BBS9: variants seen among roughly 807,000 people sequenced by gnomAD.
The protein encoded by BBS9 is Bardet-Biedl syndrome 9.
A neutral mutation model predicts 117.7 loss-of-function variants in BBS9; 89 were observed. That is an observed-to-expected ratio of 0.76 (90% CI 0.64 to 0.90). The LOEUF is 0.90. Among genes scored for constraint, BBS9 ranks in the 40% least tolerant of loss-of-function variants. The probability of loss-of-function intolerance (pLI) is 0.00; values close to 1 mark genes in which losing one functional copy is unlikely to be tolerated. For missense variants in BBS9, 982 were observed against 1,042.2 expected (o/e 0.94, Z 0.80); for synonymous variants, 379 against 370.9 (o/e 1.02, Z -0.25).
At chr7:33,556,536 T>C (rs1855320597) in intron 21 of BBS9, among the ~76,000 whole-genome samples, 1 of 152,228 alleles carries the variant, frequency 6.6e-6, no homozygotes, top group Admixed American at 6.5e-5. Context: ...GCTGTTTAAA[T>C]GTAATATATT....
chr7:33,467,268 C>G (rs4236336), intron 19 of BBS9, among the ~76,000 whole-genome samples: 114,274 of 151,902 alleles, frequency 0.75, 43,424 homozygotes, highest in African/African-American at 0.86. Context: ...CAAAACATCT[C>G]TTTTAGTTCT....
intron 21 of BBS9, among the ~76,000 whole-genome samples, chr7:33,597,898 A>G (rs79827164): frequency 6.6e-6 from 1 of 151,738 alleles, no homozygotes; most frequent in Non-Finnish European, 1.5e-5. Context: ...CAAAACAAAA[A>G]CAAATAGAAG....
chr7:33,473,984 AG>A (rs1204973414), intron 19 of BBS9, among the ~76,000 whole-genome samples: 6 of 152,206 alleles, frequency 3.9e-5, no homozygotes, highest in Non-Finnish European at 7.3e-5. Context: ...GTGGAAAATG[AG>A]GTTGTTTACA....
intron 18 of BBS9, among the ~76,000 whole-genome samples, chr7:33,387,266 G>A (rs867958085): frequency 2.6e-5 from 4 of 152,044 alleles, no homozygotes; most frequent in Non-Finnish European, 5.9e-5. Context: ...GGTCAAAGGC[G>A]TATGTTTAAG....
At chr7:33,425,478 C>T (rs911287727) in intron 19 of BBS9, among the ~76,000 whole-genome samples, 2 of 152,138 alleles carry the variant, frequency 1.3e-5, no homozygotes, top group Non-Finnish European at 2.9e-5. Flanking sequence ...CATGCATTAG[C>T]TGTATTTCCT....
At chr7:33,603,920 A>G (rs1018779012) in intron 21 of BBS9, among the ~76,000 whole-genome samples, 2 of 152,240 alleles carry the variant, frequency 1.3e-5, no homozygotes, top group African/African-American at 4.8e-5. Context: ...TCTCATTTGA[A>G]TGATGTGGTT....
intron 5 of BBS9, among the ~76,000 whole-genome samples, chr7:33,256,738 T>G (rs1318242839): frequency 6.6e-6 from 1 of 152,174 alleles, no homozygotes; most frequent in Non-Finnish European, 1.5e-5. Flanking sequence ...AAGATTGGCC[T>G]TTTATTTATT....
chr7:33,308,531 G>A lies in BBS9; in HGVS notation c.1017-27910G>A, dbSNP rs181957816. Among the ~76,000 whole-genome samples, 101 of 152,228 alleles carry A rather than the reference G, an allele frequency of 6.6e-4. 1 individual carries two copies. The highest frequency in any genetic ancestry group is 2.3e-3 in the African/African-American group (95 of 41,526). On this transcript the variant is annotated intron_variant, in intron 9 of 22. Coordinates refer to ENST00000242067, the MANE Select transcript of BBS9 (RefSeq NM_198428.3). ...TCAGAAGATCTGGTTATTCACTAAC[G>A]GTCTGATGTTTGGCAGCTTGTGTTT... is the stretch of plus-strand genomic sequence containing the variant.
At chr7:33,331,966 T>C (rs953649307) in intron 9 of BBS9, among the ~76,000 whole-genome samples, 4 of 152,136 alleles carry the variant, frequency 2.6e-5, no homozygotes, top group Admixed American at 2.0e-4. Flanking sequence ...GAAATTCTTA[T>C]GGAACCAAAA....
intron 2 of BBS9, among the ~76,000 whole-genome samples, chr7:33,152,463 A>G (rs1435192257): frequency 6.6e-6 from 1 of 152,200 alleles, no homozygotes; most frequent in Non-Finnish European, 1.5e-5. Context: ...TTAGGAAAAA[A>G]TGCAATATGT....
At chr7:33,259,718 C>T (rs949244879) in intron 6 of BBS9, among the ~76,000 whole-genome samples, 1 of 152,142 alleles carries the variant, frequency 6.6e-6, no homozygotes, top group Non-Finnish European at 1.5e-5. Flanking sequence ...TTTGGTACCA[C>T]TGTTCTCTGG....
chr7:33,426,336 GT>G (rs1833655038), intron 19 of BBS9, among the ~76,000 whole-genome samples: 1 of 152,172 alleles, frequency 6.6e-6, no homozygotes, highest in African/African-American at 2.4e-5. Flanking sequence ...AAAGGGTTCT[GT>G]TGTACAGAGG....
intron 4 of BBS9, among the ~76,000 whole-genome samples, chr7:33,169,993 G>T (rs938661316): frequency 6.6e-6 from 1 of 152,062 alleles, no homozygotes; most frequent in Admixed American, 6.6e-5. Flanking sequence ...TTTGTATAAG[G>T]TGTAATCACA....
chr7:33,328,382 T>G (rs1054031801), intron 9 of BBS9, among the ~76,000 whole-genome samples: 6 of 152,246 alleles, frequency 3.9e-5, no homozygotes, highest in African/African-American at 1.4e-4. Flanking sequence ...TTCTTTGCCT[T>G]TATAGCTTCT....
At chr7:33,182,020 G>T (rs1798172431) in intron 5 of BBS9, among the ~76,000 whole-genome samples, 1 of 152,206 alleles carries the variant, frequency 6.6e-6, no homozygotes, top group Admixed American at 6.5e-5. Context: ...CCAGGAGGCG[G>T]AGCTTGCAGT....
intron 4 of BBS9, among the ~76,000 whole-genome samples, chr7:33,172,146 C>T (rs551335012): frequency 3.3e-5 from 5 of 152,040 alleles, no homozygotes; most frequent in South Asian, 4.2e-4. Context: ...TTTGGGAGGC[C>T]GAGGTGGGCC....
chr7:33,201,956 C>T (rs574572202), intron 5 of BBS9, among the ~76,000 whole-genome samples: 2 of 152,110 alleles, frequency 1.3e-5, no homozygotes, highest in East Asian at 1.9e-4. Context: ...TACAGAAGCT[C>T]GGCTGTAAGT....
At chr7:33,381,527 T>C (rs1186926946) in intron 17 of BBS9, among the ~76,000 whole-genome samples, 6 of 152,260 alleles carry the variant, frequency 3.9e-5, no homozygotes, top group East Asian at 3.9e-4. Flanking sequence ...AAGGTTCTTA[T>C]ACGGTACTTT....
At chr7:33,230,477 G>T (rs560797004) in intron 5 of BBS9, among the ~76,000 whole-genome samples, 69 of 152,160 alleles carry the variant, frequency 4.5e-4, no homozygotes, top group Non-Finnish European at 9.3e-4. Context: ...TGGATGAATT[G>T]TATAGCGAGT....
Sources: gnomAD v4.1 joint callset for allele counts (sites outside exome capture counted in the v4.1 genomes callset) on GRCh38, gnomAD v4.1.1 for gene constraint, MANE v1.5 for transcripts, NCBI Gene and HGNC (gene_info 2026-07-23, HGNC 2026-07-21) for gene names.